Variants in FAM193A observed in about 807,000 individuals in gnomAD.
FAM193A encodes protein FAM193A.
A neutral mutation model predicts 126.5 loss-of-function variants in FAM193A; 22 were observed. That is an observed-to-expected ratio of 0.17 (90% CI 0.12 to 0.25). FAM193A has a LOEUF of 0.25. Ranked by LOEUF, FAM193A falls within the 10% of genes least tolerant of loss-of-function variation. The pLI, the probability that FAM193A is intolerant of heterozygous loss-of-function variation, is 1.00. For missense variants in FAM193A, 1,675 were observed against 1,672.8 expected, an observed-to-expected ratio of 1.00 and a Z score of -0.02; for synonymous variants, 761 against 646.8, an observed-to-expected ratio of 1.18 and a Z score of -2.68.
In FAM193A at chr4:2,565,574, T is replaced by TA. The variant is rs1182917021; in HGVS notation, c.255+28416dup. On this transcript the variant is annotated intron_variant, in intron 1 of 20. Transcript: ENST00000637812. The stretch of plus-strand genomic sequence containing the variant: ...CTCAGCCAGAGTAGCCACTTTGTAA[T>TA]AAAAAAAAAAAATTCATGTAGTCCG... 7.5e-3 allele frequency among the ~76,000 whole-genome samples: 1,079 copies of TA among 144,806 alleles called. 12 individuals are homozygous for TA. The highest frequency in any genetic ancestry group is 0.036 in the East Asian group (181 of 5,010). 95.0% of individuals were successfully genotyped at this position (144,806 alleles called of 152,430 possible).
chr4:2,688,516 C>T (rs974365814), intron 13 of FAM193A, among the ~76,000 whole-genome samples: 5 of 152,040 alleles, frequency 3.3e-5, no homozygotes, highest in South Asian at 2.1e-4. Context: ...AGGCGTGTGC[C>T]GGCCAAGGGG....
At chr4:2,619,119 A>C (rs1180531505) in intron 2 of FAM193A, among the ~76,000 whole-genome samples, 1 of 151,602 alleles carries the variant, frequency 6.6e-6, no homozygotes, top group East Asian at 1.9e-4. Context: ...TTTTTCTTTT[A>C]TGTCTTATTT....
intron 1 of FAM193A, among the ~76,000 whole-genome samples, chr4:2,560,644 G>T (rs1042930859): frequency 6.6e-5 from 10 of 152,164 alleles, no homozygotes; most frequent in African/African-American, 2.2e-4. Context: ...TAATGAGTCT[G>T]TTAATTCATG....
intron 1 of FAM193A, among the ~76,000 whole-genome samples, chr4:2,540,667 A>G (rs1578553574): frequency 6.6e-6 from 1 of 151,912 alleles, no homozygotes; most frequent in East Asian, 2.0e-4. Flanking sequence ...AACGAACAAA[A>G]ACGAAAAAAC....
At position 2,593,698 on chromosome 4, in the gene FAM193A, T is replaced by C. The variant is rs116483693; in HGVS notation, c.256-2386T>C. Among the ~76,000 whole-genome samples, 848 of 152,258 alleles carry C rather than the reference T, an allele frequency of 5.6e-3. 6 individuals are homozygous for C. Among genetic ancestry groups the C allele is most frequent in the African/African-American group, 0.019 (787 of 41,546 alleles). On this transcript the variant is annotated intron_variant, in intron 1 of 20. Transcript: ENST00000637812. ...TGGTCATTTCTGGCTCTTAACATTA[T>C]GATTTTAGGCTTGGGGACCTTTGGG...
chr4:2,710,177 C>CTTTTTTTTTTTTTTTTTTTTT (rs1300302935), intron 19 of FAM193A, among the ~76,000 whole-genome samples: 3 of 73,852 alleles, frequency 4.1e-5, no homozygotes, highest in Non-Finnish European at 5.0e-5. Flanking sequence ...TTTTTTTTTT[C>CTTTTTTTTTTTTTTTTTTTTT]TTTTTTTTTT....
chr4:2,645,162 T>C (rs1482022812), intron 6 of FAM193A, among the ~76,000 whole-genome samples: 2 of 152,174 alleles, frequency 1.3e-5, no homozygotes, highest in Non-Finnish European at 2.9e-5. Flanking sequence ...TCTAGTGTTT[T>C]TATGTAAATA....
chr4:2,680,563 C>G (rs956824474), intron 13 of FAM193A, among the ~76,000 whole-genome samples: 2 of 152,096 alleles, frequency 1.3e-5, no homozygotes, highest in Admixed American at 1.3e-4. Flanking sequence ...ACTGAAACTC[C>G]TGGGCTAAAG....
intron 2 of FAM193A, among the ~76,000 whole-genome samples, chr4:2,621,754 G>A (rs1742556965): frequency 6.6e-6 from 1 of 152,100 alleles, no homozygotes; most frequent in African/African-American, 2.4e-5. Context: ...AGGTGGAGTG[G>A]ACAACTTTGC....
chr4:2,692,376 C>T (rs1716497267), intron 15 of FAM193A, among the ~76,000 whole-genome samples: 1 of 152,128 alleles, frequency 6.6e-6, no homozygotes, highest in Admixed American at 6.5e-5. Flanking sequence ...TCCCTTCCAC[C>T]ACATGGGGGG....
intron 2 of FAM193A, among the ~76,000 whole-genome samples, chr4:2,607,715 G>A (rs1288140728): frequency 6.6e-6 from 1 of 152,236 alleles, no homozygotes; most frequent in Non-Finnish European, 1.5e-5. Context: ...CTTATAGCAT[G>A]GCCTTACCCT....
intron 4 of FAM193A, among the ~76,000 whole-genome samples, chr4:2,628,723 CTTA>C (rs1287544329): frequency 1.3e-5 from 2 of 152,174 alleles, no homozygotes; most frequent in Non-Finnish European, 2.9e-5. Context: ...GACTTCACAG[CTTA>C]TTAACATTGC....
rs1456488529 is a variant in FAM193A at position 2,716,435 on chromosome 4, TG to T, written c.4454+335del. On this transcript the variant is annotated intron_variant, in intron 20 of 20. Coordinates refer to ENST00000637812, the MANE Select transcript of FAM193A (RefSeq NM_001366318.2). ...GGTGTCCTGGGCCAGCAGCGTCTCC[TG>T]GGGATACAGGCCCCTACTTAGACCT... Among the ~76,000 whole-genome samples, 16 of 150,882 alleles carry T rather than the reference TG, an allele frequency of 1.1e-4. No individual in the cohort carries two copies. The East Asian group carries it at 3.2e-3, about 30-fold the overall frequency.
At chr4:2,551,154 TG>T (rs1260111552) in intron 1 of FAM193A, among the ~76,000 whole-genome samples, 2 of 152,204 alleles carry the variant, frequency 1.3e-5, no homozygotes, top group African/African-American at 4.8e-5. Flanking sequence ...ATTATTGGTC[TG>T]TTTTCATGAG....
intron 1 of FAM193A, among the ~76,000 whole-genome samples, chr4:2,582,603 T>G (rs1436414681): frequency 2.6e-5 from 4 of 152,206 alleles, no homozygotes; most frequent in African/African-American, 9.7e-5. Context: ...TGTTGTTGTT[T>G]TTTAACGTTC....
rs1484475471 is a variant in FAM193A, at chr4:2,692,225, C to T, written c.2803+1255C>T. 2.6e-5 allele frequency among the ~76,000 whole-genome samples: 4 copies of T among 152,312 alleles called. No individual in the cohort carries two copies. The East Asian group carries it at 7.7e-4, about 29-fold the overall frequency. On this transcript the variant is annotated intron_variant, in intron 15 of 20. Coordinates refer to ENST00000637812, the MANE Select transcript of FAM193A (RefSeq NM_001366318.2). ...GGAAATTTACAATCATGGTGGAAAGCACCTCTTCACGGGGGAGAGAACGAG... is the reference window on the plus strand; with the variant it reads ...GGAAATTTACAATCATGGTGGAAAGTACCTCTTCACGGGGGAGAGAACGAG...
intron 8 of FAM193A, 88 bp from the exon 9 acceptor site, chr4:2,659,470 A>G (rs181949598): frequency 2.2e-6 from 2 of 907,508 alleles, no homozygotes; most frequent in East Asian, 2.6e-5. Flanking sequence ...CGTGAACATG[A>G]TACATGTCAG....
chr4:2,557,691 G>C (rs771506879), intron 1 of FAM193A, among the ~76,000 whole-genome samples: 1 of 152,108 alleles, frequency 6.6e-6, no homozygotes, highest in South Asian at 2.1e-4. Flanking sequence ...GGTGGCTCAC[G>C]CCTGTAATCT....
At chr4:2,691,105 A>G (rs1344469367) in intron 15 of FAM193A, 135 bp downstream of exon 15, 22 of 739,768 alleles carry the variant, frequency 3.0e-5, no homozygotes, top group Non-Finnish European at 4.4e-5. Context: ...TAACTGCCCA[A>G]AAATGCTCAC....
Sources: gnomAD v4.1 joint callset for allele counts (sites outside exome capture counted in the v4.1 genomes callset) on GRCh38, gnomAD v4.1.1 for gene constraint, MANE v1.5 for transcripts, NCBI Gene and HGNC (gene_info 2026-07-23, HGNC 2026-07-21) for gene names.